The following TBC1D22A variants were observed in gnomAD, a reference collection of about 807,000 sequenced individuals.
TBC1D22A encodes the protein TBC1 domain family member 22A, also known as putative GTPase activator.
A neutral mutation model predicts 60.2 loss-of-function variants in TBC1D22A; 38 were observed. The observed-to-expected ratio is 0.63, with a 90% CI of 0.49 to 0.83. TBC1D22A has a LOEUF of 0.83. TBC1D22A is among the 40% of genes least tolerant of loss of function. TBC1D22A has a pLI of 0.00. For missense variants in TBC1D22A, 628 were observed against 701.0 expected (o/e 0.90, Z 1.18); for synonymous variants, 302 against 281.7 (o/e 1.07, Z -0.72).
intron 4 of TBC1D22A, among the ~76,000 whole-genome samples, chr22:46,862,250 C>T (rs565942122): frequency 1.3e-5 from 2 of 152,300 alleles, no homozygotes; most frequent in East Asian, 1.9e-4. Flanking sequence ...GAGGTCTTCT[C>T]GCTCTTAGCA....
chr22:47,058,452 C>T (rs954802562), intron 11 of TBC1D22A, among the ~76,000 whole-genome samples: 8 of 152,128 alleles, frequency 5.3e-5, no homozygotes, highest in Non-Finnish European at 8.8e-5. Context: ...TTCCTCTTCC[C>T]GGCTCCTTGT....
At chr22:47,145,770 T>G (rs2067263713) in intron 12 of TBC1D22A, among the ~76,000 whole-genome samples, 1 of 152,250 alleles carries the variant, frequency 6.6e-6, no homozygotes, top group African/African-American at 2.4e-5. Context: ...TTTTTCTTTC[T>G]AAGAGAAGGT....
At chr22:46,809,737 G>T (rs2085302520) in intron 4 of TBC1D22A, among the ~76,000 whole-genome samples, 1 of 152,136 alleles carries the variant, frequency 6.6e-6, no homozygotes, top group Non-Finnish European at 1.5e-5. Flanking sequence ...CATAGTGTTT[G>T]GGAGGCGTGA....
chr22:47,041,662 G>A (rs945726764), intron 11 of TBC1D22A, among the ~76,000 whole-genome samples: 8 of 152,262 alleles, frequency 5.3e-5, no homozygotes, highest in African/African-American at 1.4e-4. Context: ...GTGCTTAGCT[G>A]TGCATCCCTG....
rs576126735 is a variant in TBC1D22A at position 47,149,265 on chromosome 22, C to T, written c.1426-24233C>T. 1.1e-4 allele frequency among the ~76,000 whole-genome samples: 17 copies of T among 152,306 alleles called. No individual in the cohort carries two copies. The South Asian group carries it at 1.5e-3, about 13-fold the overall frequency. ...CTGTGGAGGTGAGCTCACGGCCCGG[C>T]GGCGGCAGGAATCACGGACGCTCAC... On this transcript the variant is annotated intron_variant, in intron 12 of 12. Transcript: ENST00000337137.
At chr22:47,115,083 G>T (rs957258816) in intron 12 of TBC1D22A, among the ~76,000 whole-genome samples, 1 of 152,132 alleles carries the variant, frequency 6.6e-6, no homozygotes, top group Non-Finnish European at 1.5e-5. Flanking sequence ...GGGCACAGCT[G>T]GGATTGGTGC....
intron 11 of TBC1D22A, among the ~76,000 whole-genome samples, chr22:47,075,977 A>C (rs2064188891): frequency 6.6e-6 from 1 of 152,206 alleles, no homozygotes; most frequent in Non-Finnish European, 1.5e-5. Context: ...AAAATAAATA[A>C]GTCACTAGGG....
In TBC1D22A at chr22:46,914,006, C is replaced by T. The variant is rs577393888; in HGVS notation, c.1015+1818C>T. On this transcript the variant is annotated intron_variant, in intron 8 of 12. Coordinates refer to ENST00000337137, the MANE Select transcript of TBC1D22A (RefSeq NM_014346.5). ...TGCGTCCCCATCCTTCCTGCATCGC[C>T]GTCACACACGCAGGCACATGCACAC... 1.4e-4 allele frequency: 22 copies of T among 154,888 alleles called. No homozygotes were observed. The South Asian group carries it at 4.3e-3, about 30-fold the overall frequency. 9.6% of individuals were successfully genotyped at this position (154,888 alleles called of 1,614,324 possible).
At chr22:46,991,190 C>T (rs1426572291) in intron 9 of TBC1D22A, among the ~76,000 whole-genome samples, 1 of 152,160 alleles carries the variant, frequency 6.6e-6, no homozygotes, top group Non-Finnish European at 1.5e-5. Flanking sequence ...AGAAATGAAC[C>T]TGGCAGGTAG....
chr22:46,969,647 G>A (rs146076762), intron 8 of TBC1D22A, among the ~76,000 whole-genome samples: 36 of 152,288 alleles, frequency 2.4e-4, no homozygotes, highest in African/African-American at 8.2e-4. Flanking sequence ...TGGGCTGTGG[G>A]AGCCTCTTCT....
At chr22:46,933,517 G>C (rs147210367) in intron 8 of TBC1D22A, among the ~76,000 whole-genome samples, 5 of 152,350 alleles carry the variant, frequency 3.3e-5, no homozygotes, top group African/African-American at 7.2e-5. Context: ...GGCAGTCTCT[G>C]ATGGGGTGAG....
At chr22:46,808,375 A>T (rs2085240599) in intron 4 of TBC1D22A, among the ~76,000 whole-genome samples, 1 of 151,726 alleles carries the variant, frequency 6.6e-6, no homozygotes, top group Non-Finnish European at 1.5e-5. Context: ...AAAAAAAAAT[A>T]AAAAAATAAA....
chr22:46,805,179 G>A (rs2085074526), intron 4 of TBC1D22A, among the ~76,000 whole-genome samples: 1 of 152,194 alleles, frequency 6.6e-6, no homozygotes, highest in Non-Finnish European at 1.5e-5. Flanking sequence ...CTGTTCCAGT[G>A]ACTGGCACAT....
intron 5 of TBC1D22A, among the ~76,000 whole-genome samples, chr22:46,885,201 G>T (rs2068050700): frequency 6.6e-6 from 1 of 152,190 alleles, no homozygotes; most frequent in African/African-American, 2.4e-5. Context: ...GAATGTTGTT[G>T]TTGTGTGTAT....
intron 12 of TBC1D22A, among the ~76,000 whole-genome samples, chr22:47,164,605 T>C (rs1330781836): frequency 6.6e-6 from 1 of 152,198 alleles, no homozygotes; most frequent in African/African-American, 2.4e-5. Context: ...TAAGGCTGAA[T>C]GTCAGTGTCG....
chr22:47,126,553 A>G (rs555301304), intron 12 of TBC1D22A, among the ~76,000 whole-genome samples: 43 of 152,332 alleles, frequency 2.8e-4, no homozygotes, highest in African/African-American at 9.6e-4. Context: ...ATCTCACTCT[A>G]GCAGCTCCAG....
chr22:46,842,585 G>T (rs1013596306), intron 4 of TBC1D22A, among the ~76,000 whole-genome samples: 55 of 152,346 alleles, frequency 3.6e-4, no homozygotes, highest in Middle Eastern at 3.4e-3. Context: ...TTTCGTGGAG[G>T]TAATATTTAC....
chr22:47,031,610 C>T (rs1386164163), intron 10 of TBC1D22A, among the ~76,000 whole-genome samples: 1 of 152,190 alleles, frequency 6.6e-6, no homozygotes, highest in Non-Finnish European at 1.5e-5. Flanking sequence ...GGTCCATGCT[C>T]AGCTCTGGTG....
chr22:46,909,462 C>CA (rs796894713), intron 7 of TBC1D22A, among the ~76,000 whole-genome samples: 21 of 152,270 alleles, frequency 1.4e-4, no homozygotes, highest in African/African-American at 5.1e-4. Flanking sequence ...CGTGTGGCGA[C>CA]AGAGCTGGGT....
Sources: allele counts gnomAD v4.1 joint callset (sites outside exome capture counted in the v4.1 genomes callset), GRCh38; gene constraint gnomAD v4.1.1; transcripts MANE v1.5; gene names NCBI Gene and HGNC (gene_info 2026-07-23, HGNC 2026-07-21).